Variants in RANBP17 observed in about 807,000 individuals in gnomAD.
RANBP17 encodes RAN binding protein 17.
A neutral mutation model predicts 141.2 loss-of-function variants in RANBP17; 158 were observed. That is an observed-to-expected ratio of 1.12 (90% CI 0.98 to 1.28). The LOEUF is 1.28. Ranked by LOEUF, RANBP17 falls within the 50% of genes most tolerant of loss-of-function variation. RANBP17 has a pLI of 0.00. For missense variants in RANBP17, 1,438 were observed against 1,290.7 expected (o/e 1.11, Z -1.75); for synonymous variants, 430 against 450.0 (o/e 0.96, Z 0.56).
chr5:171,186,521 A>ATTTTTTTTTT (rs1243325206), intron 18 of RANBP17, among the ~76,000 whole-genome samples: 13 of 29,502 alleles, frequency 4.4e-4, no homozygotes, highest in Non-Finnish European at 9.0e-4. Context: ...CACTGGTATG[A>ATTTTTTTTTT]TTTTCTTTTT....
intron 14 of RANBP17, among the ~76,000 whole-genome samples, chr5:171,059,027 A>C (rs1391939636): frequency 1.4e-5 from 2 of 144,120 alleles, no homozygotes; most frequent in African/African-American, 5.1e-5. Context: ...TTTTTCTTGT[A>C]AATTTGTTTG....
chr5:170,924,737 A>C (rs1005237842), intron 12 of RANBP17, 187 bp downstream of exon 12: 5 of 437,566 alleles, frequency 1.1e-5, no homozygotes, highest in African/African-American at 1.0e-4. Context: ...TTTTTTTTTC[A>C]GTTTTCCTCT....
At chr5:171,154,011 GA>G (rs1274275436) in intron 14 of RANBP17, among the ~76,000 whole-genome samples, 2 of 149,370 alleles carry the variant, frequency 1.3e-5, no homozygotes, top group Non-Finnish European at 3.0e-5. Context: ...TGGGCAACAA[GA>G]GCAAAACTCC....
At chr5:171,274,161 C>T (rs1213639623) in intron 25 of RANBP17, among the ~76,000 whole-genome samples, 8 of 142,802 alleles carry the variant, frequency 5.6e-5, no homozygotes, top group East Asian at 4.3e-4. Context: ...CGCGCGCGCG[C>T]GCGTGCGCAA....
chr5:171,289,925 G>A (rs372120222), intron 25 of RANBP17, among the ~76,000 whole-genome samples: 5 of 152,078 alleles, frequency 3.3e-5, no homozygotes, highest in East Asian at 1.9e-4. Context: ...AGTTACTTGG[G>A]AGGCTGAGAG....
At chr5:171,068,602 G>A (rs1397200264) in intron 14 of RANBP17, among the ~76,000 whole-genome samples, 1 of 151,676 alleles carries the variant, frequency 6.6e-6, no homozygotes, top group African/African-American at 2.4e-5. Flanking sequence ...TGTTGTTGTT[G>A]TTGAGACAGA....
chr5:170,948,711 A>G (rs1256942608), intron 12 of RANBP17, among the ~76,000 whole-genome samples: 2 of 152,206 alleles, frequency 1.3e-5, no homozygotes, highest in Admixed American at 6.5e-5. Flanking sequence ...AACTGTTCCT[A>G]AAGTTCATAT....
chr5:171,069,923 A>T (rs1316637968), intron 14 of RANBP17, among the ~76,000 whole-genome samples: 1 of 152,206 alleles, frequency 6.6e-6, no homozygotes, highest in Non-Finnish European at 1.5e-5. Flanking sequence ...TAACCTTCTA[A>T]AAACGGTCTG....
At chr5:170,941,163 C>T (rs949696377) in intron 12 of RANBP17, among the ~76,000 whole-genome samples, 2 of 151,646 alleles carry the variant, frequency 1.3e-5, no homozygotes, top group Admixed American at 6.6e-5. Context: ...AGAAAAAAGG[C>T]CAGAATGTTG....
At chr5:171,105,158 A>G (rs1485157298) in intron 14 of RANBP17, among the ~76,000 whole-genome samples, 3 of 150,854 alleles carry the variant, frequency 2.0e-5, no homozygotes, top group Admixed American at 1.3e-4. Flanking sequence ...CAAGGCGGGC[A>G]GATCACGAGG....
chr5:170,991,254 A>G (rs1022424363), intron 14 of RANBP17, among the ~76,000 whole-genome samples: 7 of 151,960 alleles, frequency 4.6e-5, no homozygotes, highest in African/African-American at 1.7e-4. Context: ...TTTTAATTGA[A>G]CTGAATATTT....
At chr5:171,261,894 T>C (rs547798304) in intron 24 of RANBP17, among the ~76,000 whole-genome samples, 8 of 152,356 alleles carry the variant, frequency 5.3e-5, no homozygotes, top group Middle Eastern at 6.8e-3. Context: ...CATTCTGTTT[T>C]TGACCAAATG....
At chr5:171,127,495 A>G (rs1002702768) in intron 14 of RANBP17, among the ~76,000 whole-genome samples, 1 of 152,320 alleles carries the variant, frequency 6.6e-6, no homozygotes, top group Non-Finnish European at 1.5e-5. Flanking sequence ...CAGAATATGC[A>G]AGGAATGTAA....
In RANBP17 at chr5:171,299,372, ATC is replaced by A; in HGVS notation, c.*515_*516del. The A allele has an allele frequency of 4.3e-6, 1 of 232,930 alleles. No homozygotes were observed. Among genetic ancestry groups the A allele is most frequent in the Non-Finnish European group, 8.5e-6 (1 of 117,620 alleles). 14.4% of individuals were successfully genotyped at this position (232,930 alleles called of 1,614,324 possible). On this transcript the variant is annotated 3_prime_UTR_variant, in exon 28 of 28. Coordinates refer to ENST00000523189, the MANE Select transcript of RANBP17 (RefSeq NM_022897.5). The stretch of plus-strand genomic sequence containing the variant: ...AACGAGCCTGGAAGCACTACAGAGC[ATC>A]CCACAGGACCACACGCAGGCCTCCC...
At chr5:170,928,732 T>G (rs1340019305) in intron 12 of RANBP17, among the ~76,000 whole-genome samples, 1 of 151,870 alleles carries the variant, frequency 6.6e-6, no homozygotes, top group African/African-American at 2.4e-5. Context: ...ACTGTAGCAT[T>G]AATAATTCTT....
chr5:171,262,506 G>C (rs1341436807), intron 24 of RANBP17, among the ~76,000 whole-genome samples: 1 of 151,878 alleles, frequency 6.6e-6, no homozygotes, highest in Non-Finnish European at 1.5e-5. Flanking sequence ...CTCTATTTTT[G>C]GCTTTTATTA....
rs1274722050 is a variant in RANBP17 at position 171,058,388 on chromosome 5, G to A, written c.1710+90011G>A. 1.1e-4 allele frequency among the ~76,000 whole-genome samples: 15 copies of A among 138,754 alleles called. No individual in the cohort carries two copies. In the South Asian group the frequency reaches 2.1e-3, roughly 19 times the overall value. 91.0% of individuals were successfully genotyped at this position (138,754 alleles called of 152,430 possible). A position where few individuals can be genotyped will look rare whatever the true frequency, so the allele number is the denominator to read the frequency against. On this transcript the variant is annotated intron_variant, in intron 14 of 27. Transcript: ENST00000523189. Reference sequence around the variant, plus strand: ...CATGTGTTCTCATTGTTCAATTCCCGCCCATGAGTGAGAACATGCGGTGTT... The same window carrying A: ...CATGTGTTCTCATTGTTCAATTCCCACCCATGAGTGAGAACATGCGGTGTT...
intron 7 of RANBP17, chr5:170,911,346 A>G (rs962707686): frequency 5.2e-6 from 3 of 577,468 alleles, no homozygotes; most frequent in African/African-American, 1.9e-5. Flanking sequence ...GAAAAAAGAA[A>G]AAACAAGGAC....
chr5:171,201,081 A>G (rs1187386543), intron 19 of RANBP17, among the ~76,000 whole-genome samples: 1 of 152,218 alleles, frequency 6.6e-6, no homozygotes, highest in Non-Finnish European at 1.5e-5. Context: ...TGAAAATTAC[A>G]TCTGTCTCAT....
Sources: gnomAD v4.1 joint callset for allele counts (sites outside exome capture counted in the v4.1 genomes callset) on GRCh38, gnomAD v4.1.1 for gene constraint, MANE v1.5 for transcripts, NCBI Gene and HGNC (gene_info 2026-07-23, HGNC 2026-07-21) for gene names.